Variants in MYRFL observed in about 807,000 individuals in gnomAD.
MYRFL encodes myelin regulatory factor-like protein.
Under a neutral mutation model 109.4 loss-of-function variants are expected in MYRFL, and 88 were observed. That is an observed-to-expected ratio of 0.80 (90% confidence interval 0.68 to 0.96). MYRFL has a LOEUF of 0.96. Ranked by LOEUF, MYRFL falls within the 40% of genes least tolerant of loss-of-function variation. The pLI is 0.00. For missense variants in MYRFL, 957 were observed against 954.9 expected, an observed-to-expected ratio of 1.00 and a Z score of -0.03; for synonymous variants, 324 against 320.9, an observed-to-expected ratio of 1.01 and a Z score of -0.10.
Position 69,825,488 on chromosome 12 carries a change from A to G in MYRFL, c.-30A>G. On this transcript the variant is annotated 5_prime_UTR_variant, in exon 1 of 25. It removes an upstream start codon present in the reference 5' UTR. Coordinates refer to ENST00000552032, the MANE Select transcript of MYRFL (RefSeq NM_182530.3). ...CCTGAGGTCTGATAACCGTTGTTTT[A>G]TGAGGAAATAGTACTAGGATCACAG... 1.4e-6 allele frequency: 1 copy of G among 700,358 alleles called. No individual in the cohort carries two copies. 43.4% of individuals were successfully genotyped at this position (700,358 alleles called of 1,614,324 possible).
At chr12:69,889,711 T>C (rs1886677525) in intron 6 of MYRFL, among the ~76,000 whole-genome samples, 1 of 151,892 alleles carries the variant, frequency 6.6e-6, no homozygotes, top group African/African-American at 2.4e-5. Flanking sequence ...CAAAAATTGG[T>C]TGGGCATGGT....
At chr12:69,937,982 A>AT (rs140168041) in intron 19 of MYRFL, among the ~76,000 whole-genome samples, 4 of 151,782 alleles carry the variant, frequency 2.6e-5, no homozygotes, top group South Asian at 2.1e-4. Flanking sequence ...TATTATCCCA[A>AT]TTTTTTTTTC....
intron 2 of MYRFL, among the ~76,000 whole-genome samples, chr12:69,874,770 G>T (rs187494796): frequency 4.0e-5 from 6 of 151,874 alleles, no homozygotes; most frequent in African/African-American, 1.4e-4. Context: ...AGATGTTTTT[G>T]TACTGTCTTC....
chr12:69,885,480 A>C (rs1471526351), intron 5 of MYRFL, among the ~76,000 whole-genome samples: 1 of 152,192 alleles, frequency 6.6e-6, no homozygotes, highest in Admixed American at 6.5e-5. Context: ...AGGTGGATAC[A>C]TTCAATAGGA....
intron 1 of MYRFL, among the ~76,000 whole-genome samples, chr12:69,832,443 A>C (rs1882687054): frequency 1.3e-5 from 2 of 152,216 alleles, no homozygotes; most frequent in South Asian, 4.1e-4. Context: ...ATAGGAGATA[A>C]ATAAAACAAT....
intron 2 of MYRFL, among the ~76,000 whole-genome samples, chr12:69,869,804 T>G (rs767139138): frequency 5.3e-5 from 8 of 152,162 alleles, no homozygotes; most frequent in Non-Finnish European, 1.0e-4. Flanking sequence ...GGTAGAGTCA[T>G]GAGCACAGTA....
chr12:69,865,361 T>C (rs1592722395), intron 2 of MYRFL, among the ~76,000 whole-genome samples: 1 of 152,266 alleles, frequency 6.6e-6, no homozygotes, highest in East Asian at 1.9e-4. Flanking sequence ...TGGCTTCTCT[T>C]TGTAGCATTG....
intron 5 of MYRFL, among the ~76,000 whole-genome samples, chr12:69,884,768 G>A (rs1886342010): frequency 6.6e-6 from 1 of 152,222 alleles, no homozygotes; most frequent in Admixed American, 6.5e-5. Flanking sequence ...AGTAATAGCT[G>A]AAGGCACCAT....
intron 5 of MYRFL, among the ~76,000 whole-genome samples, chr12:69,886,354 A>G (rs1477647174): frequency 2.0e-5 from 3 of 152,276 alleles, no homozygotes; most frequent in Middle Eastern, 3.4e-3. Flanking sequence ...TTGCAGGTTC[A>G]AACCTCATGG....
chr12:69,926,755 C>A, intron 14 of MYRFL, 21 bp downstream of exon 14: 1 of 1,400,318 alleles, frequency 7.1e-7, no homozygotes, highest in South Asian at 1.7e-5. Context: ...CCAGGATTGC[C>A]ATAGAAATTT....
At chr12:69,905,731 T>A (rs1458040526) in intron 11 of MYRFL, among the ~76,000 whole-genome samples, 1 of 152,238 alleles carries the variant, frequency 6.6e-6, no homozygotes, top group Non-Finnish European at 1.5e-5. Flanking sequence ...TACATGTAAT[T>A]TATTTATTAA....
rs1955105150 is a variant in MYRFL, at chr12:69,926,930, CTGG to C, written c.1766+198_1766+200del. ...TAACTTTCTTAGTTTTTTTCTGTTG[CTGG>C]TTTTTTTTTTTTTTTTTTTTTTTTT... On this transcript the variant is annotated intron_variant, in intron 14 of 24. Transcript: ENST00000552032. Among the ~76,000 whole-genome samples the C allele has an allele frequency of 8.4e-5, 4 of 47,822 alleles. 2 individuals are homozygous for C. Among genetic ancestry groups the C allele is most frequent in the Non-Finnish European group, 9.6e-5 (2 of 20,884 alleles). The allele number at this position is 47,822 out of a possible 152,430, so 31.4% of individuals were successfully genotyped here.
chr12:69,829,964 TTCTCTG>T (rs139337184), intron 1 of MYRFL, among the ~76,000 whole-genome samples: 2,564 of 152,126 alleles, frequency 0.017, 69 homozygotes, highest in African/African-American at 0.058. Context: ...AGTCTCTCAA[TTCTCTG>T]TCTTTGGGGC....
At chr12:69,882,307 A>G (rs985010577) in intron 5 of MYRFL, among the ~76,000 whole-genome samples, 4 of 146,756 alleles carry the variant, frequency 2.7e-5, no homozygotes, top group Non-Finnish European at 6.0e-5. Context: ...AAAAAAAGAA[A>G]AAAGAAAGAA....
intron 2 of MYRFL, among the ~76,000 whole-genome samples, chr12:69,862,466 T>C (rs1363492000): frequency 6.6e-6 from 1 of 151,710 alleles, no homozygotes; most frequent in East Asian, 1.9e-4. Context: ...GTCCTTCACA[T>C]CCCTTGTAAG....
intron 1 of MYRFL, among the ~76,000 whole-genome samples, 154 bp downstream of exon 1, chr12:69,825,717 T>C (rs1055430655): frequency 6.6e-6 from 1 of 152,116 alleles, no homozygotes; most frequent in Non-Finnish European, 1.5e-5. Flanking sequence ...GTTTATTTGC[T>C]ACATTGGGAG....
intron 2 of MYRFL, 127 bp from the exon 3 acceptor site, chr12:69,878,901 C>A: frequency 4.5e-6 from 3 of 659,834 alleles, no homozygotes; most frequent in Non-Finnish European, 8.3e-6. Flanking sequence ...AAACCCCTCA[C>A]CCCCCCATGC....
chr12:69,855,350 T>C lies in MYRFL; in HGVS notation c.117T>C (p.Asn39=). 1 of 702,690 alleles carries C rather than the reference T, an allele frequency of 1.4e-6. No homozygotes were observed. The highest frequency in any genetic ancestry group is 2.6e-6 in the Non-Finnish European group (1 of 384,764). The allele number at this position is 702,690 out of a possible 1,614,324, so 43.5% of individuals were successfully genotyped here. ...DTSLLEEFLG[N]DFDLGALQRQ... ...GTCTGTTGGAGGAATTTCTGGGCAATGACTTTGATTTGGGGGCCTTGTAAG... is the reference window on the plus strand; with the variant it reads ...GTCTGTTGGAGGAATTTCTGGGCAACGACTTTGATTTGGGGGCCTTGTAAG... The change falls in exon 2 of 25, where the codon AAT becomes AAC. Residue 39 remains asparagine (N), a synonymous_variant. Transcript: ENST00000552032.
chr12:69,884,813 C>T (rs534732131), intron 5 of MYRFL, among the ~76,000 whole-genome samples: 47 of 152,300 alleles, frequency 3.1e-4, no homozygotes, highest in African/African-American at 1.1e-3. Flanking sequence ...ACACTGTGCT[C>T]TGCGTTTTAC....
Sources: allele counts gnomAD v4.1 joint callset (sites outside exome capture counted in the v4.1 genomes callset), GRCh38; gene constraint gnomAD v4.1.1; transcripts MANE v1.5; gene names NCBI Gene and HGNC (gene_info 2026-07-23, HGNC 2026-07-21).